SNTG1: variants seen among roughly 807,000 people sequenced by gnomAD.
SNTG1 encodes gamma-1-syntrophin.
SNTG1 carries 39 observed loss-of-function variants against 74.7 expected under a neutral mutation model. The observed-to-expected ratio is 0.52, with a 90% CI of 0.40 to 0.68. SNTG1 has a LOEUF of 0.68. Among genes scored for constraint, SNTG1 ranks in the 30% least tolerant of loss-of-function variants. The probability of loss-of-function intolerance (pLI) is 0.00; values close to 1 mark genes in which losing one functional copy is unlikely to be tolerated. For missense variants in SNTG1, 685 were observed against 609.5 expected (o/e 1.12, Z -1.30); for synonymous variants, 254 against 217.1 (o/e 1.17, Z -1.49).
At position 50,256,098 on chromosome 8, in the gene SNTG1, G is replaced by A. The variant is rs372594034; in HGVS notation, c.-28+83463G>A. 2.9e-4 allele frequency among the ~76,000 whole-genome samples: 44 copies of A among 152,166 alleles called. 2 individuals carry two copies. Among genetic ancestry groups the A allele is most frequent in the East Asian group, 1.9e-3 (10 of 5,174 alleles). On this transcript the variant is annotated intron_variant, in intron 2 of 18. Transcript: ENST00000642720. ...TTGTTGCTCTATACTTTGCCTGCTT[G>A]TATGTATGTCATTAGGATTTCTCTT...
intron 2 of SNTG1, among the ~76,000 whole-genome samples, chr8:50,207,533 T>G (rs13253614): frequency 0.43 from 65,426 of 151,978 alleles, 17,820 homozygotes; most frequent in African/African-American, 0.78. Flanking sequence ...GATTCATTGA[T>G]TTTTTGAAGG....
At chr8:50,051,070 CT>C (rs1306564281) in intron 1 of SNTG1, among the ~76,000 whole-genome samples, 2 of 151,922 alleles carry the variant, frequency 1.3e-5, no homozygotes, top group South Asian at 2.1e-4. Context: ...TACTTTCCCC[CT>C]AAGACTGGGA....
Position 50,751,985 on chromosome 8 carries a change from T to TA in SNTG1, c.1285-16_1285-15insA. ...TTAATTCCACCGACTTACATTGTTT[T>TA]TTTTCCCCCCTTTAGGCTGTCCTTT... On this transcript the variant is annotated splice_polypyrimidine_tract_variant and intron_variant, in intron 17 of 18. Coordinates refer to ENST00000642720, the MANE Select transcript of SNTG1 (RefSeq NM_018967.5). 6.8e-7 allele frequency: 1 copy of TA among 1,474,412 alleles called. No individual in the cohort carries two copies. The highest frequency in any genetic ancestry group is 2.6e-5 in the East Asian group (1 of 38,398). The allele number at this position is 1,474,412 out of a possible 1,614,324, so 91.3% of individuals were successfully genotyped here.
chr8:50,700,095 G>T (rs1266054604), intron 15 of SNTG1, among the ~76,000 whole-genome samples: 1 of 152,248 alleles, frequency 6.6e-6, no homozygotes, highest in East Asian at 1.9e-4. Flanking sequence ...GCTCCTGCAT[G>T]TGTGTTAGAG....
rs187298482 is a variant in SNTG1, at chr8:50,188,124, T to C, written c.-28+15489T>C. Reference sequence around the variant, plus strand: ...ATATTGGTCTACTGAATCCACTTATTGACAATCATTCTCAAAGAACACGAA... The same window carrying C: ...ATATTGGTCTACTGAATCCACTTATCGACAATCATTCTCAAAGAACACGAA... On this transcript the variant is annotated intron_variant, in intron 2 of 18. Transcript: ENST00000642720. Among the ~76,000 whole-genome samples, 30 of 152,286 alleles carry C rather than the reference T, an allele frequency of 2.0e-4. 1 individual carries two copies. Among genetic ancestry groups the C allele is most frequent in the Admixed American group, 1.8e-3 (27 of 15,280 alleles).
intron 12 of SNTG1, among the ~76,000 whole-genome samples, chr8:50,581,811 C>A (rs1248437370): frequency 6.6e-6 from 1 of 152,164 alleles, no homozygotes; most frequent in Non-Finnish European, 1.5e-5. Context: ...GATGTCCTTA[C>A]TCGGCAAGTG....
intron 2 of SNTG1, among the ~76,000 whole-genome samples, chr8:50,231,334 A>G: frequency 6.6e-6 from 1 of 151,376 alleles, no homozygotes; most frequent in East Asian, 1.9e-4. Context: ...GGTTCCTCAA[A>G]AAACTAAAAA....
At chr8:50,434,633 T>C (rs1301042824) in intron 4 of SNTG1, among the ~76,000 whole-genome samples, 1 of 152,158 alleles carries the variant, frequency 6.6e-6, no homozygotes, top group Non-Finnish European at 1.5e-5. Context: ...ATCTCTCTGA[T>C]GGCCAGTGAT....
intron 11 of SNTG1, among the ~76,000 whole-genome samples, chr8:50,543,138 A>G (rs1431929616): frequency 6.6e-6 from 1 of 152,202 alleles, no homozygotes; most frequent in East Asian, 1.9e-4. Flanking sequence ...CGTCTTACAG[A>G]AAACATCTTA....
chr8:49,984,903 G>C (rs1021756618), intron 1 of SNTG1, among the ~76,000 whole-genome samples: 1 of 152,104 alleles, frequency 6.6e-6, no homozygotes, highest in Non-Finnish European at 1.5e-5. Flanking sequence ...GTAAGCATCT[G>C]TATCATAAAG....
chr8:50,560,759 G>A (rs923262746), intron 12 of SNTG1, among the ~76,000 whole-genome samples: 5 of 152,080 alleles, frequency 3.3e-5, no homozygotes, highest in African/African-American at 1.2e-4. Context: ...CAGCTAATGG[G>A]TGTGGGGCTC....
chr8:50,401,902 GATTAT>G (rs1396738090), intron 3 of SNTG1, among the ~76,000 whole-genome samples: 2 of 151,984 alleles, frequency 1.3e-5, no homozygotes, highest in African/African-American at 2.4e-5. Context: ...TTTATTTTTA[GATTAT>G]AAGTATTACA....
At chr8:50,011,279 A>G (rs752939197) in intron 1 of SNTG1, among the ~76,000 whole-genome samples, 7 of 152,286 alleles carry the variant, frequency 4.6e-5, no homozygotes, top group Admixed American at 6.5e-5. Context: ...AATCTCTATT[A>G]GCAAATAAAA....
intron 1 of SNTG1, among the ~76,000 whole-genome samples, chr8:50,094,638 C>A (rs933654676): frequency 1.3e-5 from 2 of 152,042 alleles, no homozygotes; most frequent in South Asian, 2.1e-4. Context: ...AGTGAGATGC[C>A]TTCACACCAA....
At chr8:50,290,388 CT>C (rs754477301) in intron 2 of SNTG1, among the ~76,000 whole-genome samples, 1 of 152,110 alleles carries the variant, frequency 6.6e-6, no homozygotes, top group Non-Finnish European at 1.5e-5. Context: ...ATTCTTTCTT[CT>C]TTTTAATCTC....
At chr8:50,254,703 G>A (rs1026504046) in intron 2 of SNTG1, among the ~76,000 whole-genome samples, 4 of 151,904 alleles carry the variant, frequency 2.6e-5, no homozygotes, top group Non-Finnish European at 5.9e-5. Context: ...AAAATTAGCC[G>A]GGCGTGGTGA....
chr8:49,965,775 TA>T (rs1811081714), intron 1 of SNTG1, among the ~76,000 whole-genome samples: 1 of 152,210 alleles, frequency 6.6e-6, no homozygotes. Context: ...AATGGCATAT[TA>T]CAAATTTTAG....
intron 1 of SNTG1, among the ~76,000 whole-genome samples, chr8:50,087,332 C>A (rs1822988535): frequency 1.3e-5 from 2 of 152,240 alleles, no homozygotes; most frequent in South Asian, 4.1e-4. Flanking sequence ...TCAATTACCC[C>A]TCGGCTTTGG....
At chr8:50,300,918 G>C (rs536228392) in intron 2 of SNTG1, among the ~76,000 whole-genome samples, 1 of 152,148 alleles carries the variant, frequency 6.6e-6, no homozygotes, top group South Asian at 2.1e-4. Flanking sequence ...CTTCATTTTA[G>C]TAATGAGTAG....
Sources: gnomAD v4.1 joint callset for allele counts (sites outside exome capture counted in the v4.1 genomes callset) on GRCh38, gnomAD v4.1.1 for gene constraint, MANE v1.5 for transcripts, NCBI Gene and HGNC (gene_info 2026-07-23, HGNC 2026-07-21) for gene names.